The following MTRF1 variants were observed in gnomAD, a reference collection of about 807,000 sequenced individuals.
MTRF1 encodes the protein peptide chain release factor 1, mitochondrial.
MTRF1 carries 51 observed loss-of-function variants against 62.9 expected under a neutral mutation model. The observed-to-expected ratio is 0.81, with a 90% CI of 0.65 to 1.02. The LOEUF (loss-of-function observed/expected upper bound fraction) is 1.02. MTRF1 is among the 50% of genes least tolerant of loss of function. The probability of loss-of-function intolerance (pLI) is 0.00; values close to 1 mark genes in which losing one functional copy is unlikely to be tolerated. For synonymous variants in MTRF1, 158 were observed against 181.9 expected (o/e 0.87, Z 1.06); for missense variants, 446 against 530.0 (o/e 0.84, Z 1.56).
the MTRF1 span, chr13:41,288,319 A>C: frequency 4.1e-5 from 11 of 266,882 alleles, no homozygotes; most frequent in Admixed American, 5.4e-4. Context: ...GATGGCTTGC[A>C]CCTGGGTCAC....
chr13:41,311,591 CCGTAGGCCG>C, the MTRF1 span: 1 of 1,603,222 alleles, frequency 6.2e-7, no homozygotes, highest in Non-Finnish European at 8.5e-7. Context: ...TGGTGAGTGG[CCGTAGGCCG>C]CGCTGCCGCC....
At chr13:41,295,097 C>T in the MTRF1 span, among the ~76,000 whole-genome samples, 1,295 of 152,052 alleles carry the variant, frequency 8.5e-3, 18 homozygotes, top group African/African-American at 0.03. Context: ...TTTTTTAATC[C>T]CTGGGAAAGG....
chr13:41,227,421 G>C (rs1375922708), intron 7 of MTRF1, among the ~76,000 whole-genome samples: 1 of 152,084 alleles, frequency 6.6e-6, no homozygotes, highest in Admixed American at 6.6e-5. Context: ...AAGTTGTTCT[G>C]CGTAGTCTAA....
chr13:41,249,028 G>C (rs925478772), intron 5 of MTRF1, among the ~76,000 whole-genome samples: 3 of 152,070 alleles, frequency 2.0e-5, no homozygotes, highest in South Asian at 4.2e-4. Context: ...GTCACTTAAT[G>C]TATGAATTTG....
rs945961182 is a variant in MTRF1 at position 41,248,269 on chromosome 13, G to A, written c.697+4376C>T. 2.6e-5 allele frequency among the ~76,000 whole-genome samples: 4 copies of A among 152,152 alleles called. No homozygotes were observed. In the South Asian group the frequency reaches 8.3e-4, roughly 32 times the overall value. ...CCTGAGTAACTGAGGTTACAGCCACGCACCACCACACTCAGCTAATTTTTG... is the reference window on the plus strand; with the variant it reads ...CCTGAGTAACTGAGGTTACAGCCACACACCACCACACTCAGCTAATTTTTG... On this transcript the variant is annotated intron_variant, in intron 5 of 9. Coordinates refer to ENST00000379480, the MANE Select transcript of MTRF1 (RefSeq NM_004294.4).
the MTRF1 span, among the ~76,000 whole-genome samples, chr13:41,301,199 C>T: frequency 7.9e-5 from 12 of 152,192 alleles, no homozygotes; most frequent in South Asian, 1.2e-3. Flanking sequence ...CCCTCCTAAG[C>T]GCAGGTAGTG....
chr13:41,233,012 T>C (rs1250717953), intron 7 of MTRF1, among the ~76,000 whole-genome samples: 1 of 152,184 alleles, frequency 6.6e-6, no homozygotes, highest in Non-Finnish European at 1.5e-5. Flanking sequence ...GTTCATTATA[T>C]GAACACAGTG....
At chr13:41,258,988 C>T (rs1333880612) in intron 2 of MTRF1, among the ~76,000 whole-genome samples, 1 of 152,250 alleles carries the variant, frequency 6.6e-6, no homozygotes, top group Middle Eastern at 3.4e-3. Flanking sequence ...CAAGATGATA[C>T]ACAAATGGCC....
chr13:41,240,126 G>A (rs898025684), intron 6 of MTRF1, 135 bp downstream of exon 6: 3 of 825,992 alleles, frequency 3.6e-6, no homozygotes, highest in South Asian at 4.1e-5. Flanking sequence ...TCGCGCCACT[G>A]TACTCCAACC....
chr13:41,307,829 T>C, the MTRF1 span, among the ~76,000 whole-genome samples: 1 of 152,174 alleles, frequency 6.6e-6, no homozygotes, highest in Non-Finnish European at 1.5e-5. Context: ...TTTATAGCAA[T>C]GTGAGAACAG....
At chr13:41,228,306 C>T (rs989251531) in intron 7 of MTRF1, among the ~76,000 whole-genome samples, 1 of 152,170 alleles carries the variant, frequency 6.6e-6, no homozygotes, top group Non-Finnish European at 1.5e-5. Context: ...ATGGCTCACA[C>T]CGGCAACCCC....
intron 8 of MTRF1, among the ~76,000 whole-genome samples, chr13:41,224,372 G>A (rs887968998): frequency 2.0e-5 from 3 of 152,120 alleles, no homozygotes; most frequent in Admixed American, 6.5e-5. Flanking sequence ...AGCACCCTGT[G>A]TCAATTGCTG....
the MTRF1 span, among the ~76,000 whole-genome samples, chr13:41,285,708 T>C: frequency 6.6e-6 from 1 of 152,150 alleles, no homozygotes; most frequent in Admixed American, 6.5e-5. Context: ...ATTGTTATTC[T>C]GGAATTTTGG....
chr13:41,311,276 G>A, the MTRF1 span: 1 of 552,058 alleles, frequency 1.8e-6, no homozygotes, highest in South Asian at 2.3e-5. Context: ...TGCAGTGCGC[G>A]GGAACCGCCG....
At chr13:41,221,583 G>A (rs1482530169) in intron 9 of MTRF1, among the ~76,000 whole-genome samples, 1 of 152,040 alleles carries the variant, frequency 6.6e-6, no homozygotes, top group Non-Finnish European at 1.5e-5. Flanking sequence ...TCTTCTTCCA[G>A]TAGACTAGTT....
intron 5 of MTRF1, 24 bp from the exon 6 acceptor site, chr13:41,240,457 T>C (rs770137017): frequency 2.5e-6 from 4 of 1,603,400 alleles, no homozygotes; most frequent in East Asian, 2.2e-5. Flanking sequence ...AATCCAGAAA[T>C]AGTAATGAAT....
At chr13:41,309,808 C>G in the MTRF1 span, among the ~76,000 whole-genome samples, 1 of 152,078 alleles carries the variant, frequency 6.6e-6, no homozygotes, top group South Asian at 2.1e-4. Context: ...ACCAGCCTGA[C>G]CAACATGGAG....
chr13:41,260,953 T>G (rs1332940), intron 1 of MTRF1, 38 bp from the exon 2 acceptor site: 1,063,427 of 1,515,244 alleles, frequency 0.7, 374,629 homozygotes, highest in African/African-American at 0.74. Flanking sequence ...AAAAAAATCA[T>G]CTCTAAAGAT....
intron 5 of MTRF1, among the ~76,000 whole-genome samples, chr13:41,251,159 C>T (rs1320438558): frequency 2.0e-5 from 3 of 152,178 alleles, no homozygotes; most frequent in Non-Finnish European, 4.4e-5. Flanking sequence ...AACAGCCCCT[C>T]TCACATCTAG....
Sources: allele counts gnomAD v4.1 joint callset (sites outside exome capture counted in the v4.1 genomes callset), GRCh38; gene constraint gnomAD v4.1.1; transcripts MANE v1.5; gene names NCBI Gene and HGNC (gene_info 2026-07-23, HGNC 2026-07-21).